The following TTC17 variants were observed in gnomAD, a reference collection of about 807,000 sequenced individuals.
The protein encoded by TTC17 is tetratricopeptide repeat domain 17.
A neutral mutation model predicts 143.8 loss-of-function variants in TTC17; 58 were observed. The observed-to-expected ratio is 0.40, with a 90% CI of 0.33 to 0.50. TTC17 has a LOEUF of 0.50. Ranked by LOEUF, TTC17 falls within the 20% of genes least tolerant of loss-of-function variation. The probability of loss-of-function intolerance (pLI) is 0.49; values close to 1 mark genes in which losing one functional copy is unlikely to be tolerated. For synonymous variants in TTC17, 501 were observed against 497.8 expected (o/e 1.01, Z -0.09); for missense variants, 1,273 against 1,392.5 (o/e 0.91, Z 1.37).
At chr11:43,368,202 A>G (rs1856424013) in intron 1 of TTC17, among the ~76,000 whole-genome samples, 1 of 151,626 alleles carries the variant, frequency 6.6e-6, no homozygotes. Flanking sequence ...CCCTCTGTAC[A>G]TATGTTCACC....
At chr11:43,467,714 A>T (rs1278602347) in intron 21 of TTC17, among the ~76,000 whole-genome samples, 1 of 152,254 alleles carries the variant, frequency 6.6e-6, no homozygotes, top group Non-Finnish European at 1.5e-5. Context: ...AGCAGAAAAG[A>T]TGAAAGATAG....
At position 43,493,905 on chromosome 11, in the gene TTC17, T is replaced by G. The variant is rs766353152; in HGVS notation, c.*1T>G. 3.1e-6 allele frequency: 5 copies of G among 1,588,446 alleles called. No homozygotes were observed. The Admixed American group carries it at 5.3e-5, about 17-fold the overall frequency. On this transcript the variant is annotated 3_prime_UTR_variant, in exon 24 of 24. Coordinates refer to ENST00000039989, the MANE Select transcript of TTC17 (RefSeq NM_018259.6). ...GAAGAAGGGACGGCGCTCTCCTTAG[T>G]GCACTTCTTCCTTCTCTCTTTCTCT...
Position 43,490,307 on chromosome 11 carries a change from G to T in TTC17, c.3099G>T (p.Lys1033Asn). Residue 1033 changes from lysine to asparagine, a missense_variant, in exon 22 of 24, where the codon AAG becomes AAT. Around this residue, in one of 3 missense-constraint regions of TTC17, gnomAD observed 878 missense variants for 899.8 expected, o/e 0.98. Transcript: ENST00000039989. The stretch of plus-strand genomic sequence containing the variant: ...GGAGGGTGAAAGGCCAAGGAAAGAA[G>T]GCAATCGACTGCCTCCGCCAGGCTC... Reference protein sequence around the residue: ...LYWRVKGQGKKAIDCLRQALH... With the variant: ...LYWRVKGQGKNAIDCLRQALH... 1 of 1,612,888 alleles carries T rather than the reference G, an allele frequency of 6.2e-7. No homozygotes were observed. The highest frequency in any genetic ancestry group is 8.5e-7 in the Non-Finnish European group (1 of 1,179,314).
chr11:43,430,791 A>G (rs1300947267), intron 16 of TTC17, among the ~76,000 whole-genome samples: 1 of 148,756 alleles, frequency 6.7e-6, no homozygotes. Flanking sequence ...TCTTTTTTTA[A>G]TTATTATTAT....
chr11:43,412,798 C>T (rs970298715), intron 15 of TTC17, among the ~76,000 whole-genome samples: 2 of 152,100 alleles, frequency 1.3e-5, no homozygotes, highest in Admixed American at 6.6e-5. Flanking sequence ...GGATACTCAA[C>T]TTGTAAAGGG....
At chr11:43,411,825 T>A (rs1223331613) in intron 15 of TTC17, among the ~76,000 whole-genome samples, 1 of 152,226 alleles carries the variant, frequency 6.6e-6, no homozygotes, top group Non-Finnish European at 1.5e-5. Context: ...GAATGTAATC[T>A]GAGCTGCTTA....
intron 1 of TTC17, among the ~76,000 whole-genome samples, chr11:43,378,622 T>A (rs749780119): frequency 1.3e-5 from 2 of 152,228 alleles, no homozygotes; most frequent in African/African-American, 4.8e-5. Context: ...AACATTTTGA[T>A]ATATGTTGTC....
At position 43,467,477 on chromosome 11, in the gene TTC17, A is replaced by G. The variant is rs566205774; in HGVS notation, c.3030+16212A>G. On this transcript the variant is annotated intron_variant, in intron 21 of 23. Transcript: ENST00000039989. Reference sequence around the variant, plus strand: ...AGGTATCTAGAGTAGTCATATTCATAGAGACAGAAAATAGAATGATTGTTG... The same window carrying G: ...AGGTATCTAGAGTAGTCATATTCATGGAGACAGAAAATAGAATGATTGTTG... Among the ~76,000 whole-genome samples the G allele has an allele frequency of 4.8e-4, 73 of 152,358 alleles. 1 individual carries two copies. The highest frequency in any genetic ancestry group is 1.7e-3 in the African/African-American group (69 of 41,588).
chr11:43,376,244 A>T (rs987050762), intron 1 of TTC17, among the ~76,000 whole-genome samples: 1 of 152,214 alleles, frequency 6.6e-6, no homozygotes, highest in African/African-American at 2.4e-5. Context: ...ATTATAATAA[A>T]CTGCTACAGT....
chr11:43,437,792 G>T (rs191416728), intron 16 of TTC17, among the ~76,000 whole-genome samples: 1 of 152,162 alleles, frequency 6.6e-6, no homozygotes, highest in East Asian at 1.9e-4. Flanking sequence ...GTTCAAGGGA[G>T]CCATAATACA....
intron 21 of TTC17, among the ~76,000 whole-genome samples, chr11:43,462,377 T>C (rs1337338939): frequency 1.3e-5 from 2 of 152,188 alleles, no homozygotes; most frequent in Non-Finnish European, 2.9e-5. Flanking sequence ...GCCAATCACA[T>C]GTATTCTTAT....
chr11:43,405,505 C>T lies in TTC17; in HGVS notation c.1480-9C>T. 1 of 1,605,090 alleles carries T rather than the reference C, an allele frequency of 6.2e-7. No individual in the cohort carries two copies. The highest frequency in any genetic ancestry group is 1.3e-5 in the African/African-American group (1 of 74,604). ...AAGAAATTTATGAGAAATTTTGTTT[C>T]TTTATCAGGACAAACAGCATATTCT... On this transcript the variant is annotated splice_polypyrimidine_tract_variant and intron_variant, in intron 11 of 23. Transcript: ENST00000039989.
intron 1 of TTC17, among the ~76,000 whole-genome samples, chr11:43,377,153 C>T (rs1269039020): frequency 3.9e-5 from 6 of 151,946 alleles, no homozygotes; most frequent in South Asian, 2.1e-4. Flanking sequence ...CTTAGCTGGG[C>T]GTAGTGGCGG....
chr11:43,430,321 G>A (rs1219478314), intron 16 of TTC17, among the ~76,000 whole-genome samples: 3 of 152,090 alleles, frequency 2.0e-5, no homozygotes, highest in African/African-American at 7.2e-5. Context: ...CCAGCTACTC[G>A]AGAGGCTGAG....
At chr11:43,372,482 T>A (rs552963971) in intron 1 of TTC17, among the ~76,000 whole-genome samples, 28 of 145,938 alleles carry the variant, frequency 1.9e-4, no homozygotes, top group South Asian at 6.4e-4. Flanking sequence ...TATTTTTATT[T>A]TTTATTTATT....
intron 21 of TTC17, among the ~76,000 whole-genome samples, chr11:43,460,227 C>G (rs535456991): frequency 1.8e-4 from 27 of 152,196 alleles, no homozygotes; most frequent in Middle Eastern, 6.8e-3. Context: ...TGAAACTGAG[C>G]AGTTCCTTGT....
intron 21 of TTC17, among the ~76,000 whole-genome samples, chr11:43,452,391 T>C (rs1320573555): frequency 1.3e-5 from 2 of 151,954 alleles, no homozygotes; most frequent in Non-Finnish European, 2.9e-5. Context: ...TCCCAGCTAC[T>C]TGAGAGAGTG....
At chr11:43,414,047 G>A (rs899432680) in intron 15 of TTC17, among the ~76,000 whole-genome samples, 1 of 152,112 alleles carries the variant, frequency 6.6e-6, no homozygotes, top group Non-Finnish European at 1.5e-5. Context: ...ACTGCTAATC[G>A]GATGAACAAG....
chr11:43,389,052 C>T (rs537760724), intron 2 of TTC17, among the ~76,000 whole-genome samples: 7 of 149,428 alleles, frequency 4.7e-5, no homozygotes, highest in Non-Finnish European at 5.9e-5. Flanking sequence ...GTGAGAGGAT[C>T]GCTTGAGCCC....
Sources: gnomAD v4.1 joint callset for allele counts (sites outside exome capture counted in the v4.1 genomes callset) on GRCh38, gnomAD v4.1.1 for gene constraint, gnomAD v4.1.1 regional missense constraint, MANE v1.5 for transcripts, NCBI Gene and HGNC (gene_info 2026-07-23, HGNC 2026-07-21) for gene names.